CCDC148: variants seen among roughly 807,000 people sequenced by gnomAD.
The protein encoded by CCDC148 is coiled-coil domain containing 148.
A neutral mutation model predicts 85.7 loss-of-function variants in CCDC148; 89 were observed. The observed-to-expected ratio is 1.04, with a 90% CI of 0.87 to 1.24. The LOEUF (loss-of-function observed/expected upper bound fraction) is 1.24. Among genes scored for constraint, CCDC148 ranks in the 50% most tolerant of loss-of-function variants. The pLI is 0.00. For missense variants in CCDC148, 692 were observed against 671.7 expected, an observed-to-expected ratio of 1.03 and a Z score of -0.33; for synonymous variants, 230 against 213.9, an observed-to-expected ratio of 1.08 and a Z score of -0.66.
intron 8 of CCDC148, among the ~76,000 whole-genome samples, chr2:158,312,599 C>CAAAAAAAAAA (rs1182789527): frequency 3.0e-5 from 4 of 135,504 alleles, no homozygotes; most frequent in South Asian, 2.3e-4. Flanking sequence ...AAAAAAAAAC[C>CAAAAAAAAAA]AAAAAACAAA....
intron 9 of CCDC148, among the ~76,000 whole-genome samples, chr2:158,284,290 A>C (rs1466021644): frequency 6.9e-6 from 1 of 145,762 alleles, no homozygotes; most frequent in Non-Finnish European, 1.5e-5. Flanking sequence ...AAAAAAAAAG[A>C]AAACCAATAA....
chr2:158,320,560 A>G (rs1297686114), intron 7 of CCDC148, among the ~76,000 whole-genome samples: 3 of 152,194 alleles, frequency 2.0e-5, no homozygotes, highest in African/African-American at 7.2e-5. Flanking sequence ...AAATTTGACA[A>G]TCTTGTCCAT....
chr2:158,442,331 G>A (rs1687969663), intron 1 of CCDC148, among the ~76,000 whole-genome samples: 1 of 152,074 alleles, frequency 6.6e-6, no homozygotes, highest in African/African-American at 2.4e-5. Flanking sequence ...TTTTTCAACT[G>A]GAATAATATT....
At chr2:158,341,206 G>GT (rs1559083241) in intron 3 of CCDC148, among the ~76,000 whole-genome samples, 1 of 151,756 alleles carries the variant, frequency 6.6e-6, no homozygotes, top group Non-Finnish European at 1.5e-5. Context: ...GTATACATAC[G>GT]TATGTGTACG....
At chr2:158,257,107 T>C (rs767956411) in intron 9 of CCDC148, among the ~76,000 whole-genome samples, 4 of 151,644 alleles carry the variant, frequency 2.6e-5, no homozygotes, top group Admixed American at 6.6e-5. Flanking sequence ...ACCAGAGACA[T>C]GCTACCATTT....
chr2:158,373,445 T>C (rs1181630316), intron 1 of CCDC148, among the ~76,000 whole-genome samples: 1 of 152,038 alleles, frequency 6.6e-6, no homozygotes, highest in Admixed American at 6.6e-5. Flanking sequence ...TCATTTGAAA[T>C]AGTACACACA....
rs140040664 is a variant in CCDC148, at chr2:158,223,721, G to A, written c.1252-3008C>T. On this transcript the variant is annotated intron_variant, in intron 10 of 13. Transcript: ENST00000283233. ...ACCCAGGCAAACAGGGTCTGGAGTG[G>A]ACCTCCAGCAAACTCCAACAGACCT... Among the ~76,000 whole-genome samples the A allele has an allele frequency of 3.0e-4, 46 of 152,298 alleles. No individual in the cohort carries two copies. The East Asian group carries it at 8.3e-3, about 27-fold the overall frequency.
At chr2:158,445,107 G>A (rs1688107483) in intron 1 of CCDC148, among the ~76,000 whole-genome samples, 1 of 151,934 alleles carries the variant, frequency 6.6e-6, no homozygotes, top group African/African-American at 2.4e-5. Flanking sequence ...GTGAGAAATG[G>A]AGAAGTACAT....
intron 8 of CCDC148, among the ~76,000 whole-genome samples, chr2:158,312,618 T>C (rs1179114504): frequency 2.3e-5 from 3 of 132,370 alleles, no homozygotes; most frequent in African/African-American, 5.6e-5. Context: ...AAAAAGTAAA[T>C]GTAAAAATCT....
intron 9 of CCDC148, among the ~76,000 whole-genome samples, chr2:158,271,660 A>G (rs923205359): frequency 1.3e-5 from 2 of 152,202 alleles, no homozygotes; most frequent in Admixed American, 6.6e-5. Flanking sequence ...ATTCTTGTTC[A>G]GCTCTTACTG....
At chr2:158,286,394 T>G (rs1271087406) in intron 9 of CCDC148, among the ~76,000 whole-genome samples, 1 of 152,188 alleles carries the variant, frequency 6.6e-6, no homozygotes, top group African/African-American at 2.4e-5. Context: ...TAAGTGAAAA[T>G]GTATACAATG....
chr2:158,443,291 T>C (rs1227670553), intron 1 of CCDC148, among the ~76,000 whole-genome samples: 2 of 151,888 alleles, frequency 1.3e-5, no homozygotes, highest in East Asian at 3.9e-4. Context: ...GGCCAGAAGT[T>C]TGATACCAAC....
intron 9 of CCDC148, among the ~76,000 whole-genome samples, chr2:158,294,136 T>C (rs1158603543): frequency 6.6e-6 from 1 of 150,578 alleles, no homozygotes; most frequent in Non-Finnish European, 1.5e-5. Context: ...TATGTTCCTA[T>C]AGTTTTGTCT....
chr2:158,393,588 G>T (rs962937460), intron 1 of CCDC148, among the ~76,000 whole-genome samples: 1 of 152,022 alleles, frequency 6.6e-6, no homozygotes, highest in Non-Finnish European at 1.5e-5. Flanking sequence ...GGGGCCAAGT[G>T]GGCAGACTCA....
chr2:158,404,650 C>G (rs2543642), intron 1 of CCDC148, among the ~76,000 whole-genome samples: 4,796 of 152,124 alleles, frequency 0.032, 108 homozygotes, highest in African/African-American at 0.059. Flanking sequence ...CTATGTGGTG[C>G]CTTTAGCAGA....
chr2:158,386,132 GGAGTTGATGCAGAAGGTAATTACCAAGA>G (rs1456757613), intron 1 of CCDC148, among the ~76,000 whole-genome samples: 2 of 152,024 alleles, frequency 1.3e-5, no homozygotes, highest in Non-Finnish European at 2.9e-5. Flanking sequence ...GGCAGTGCGG[GGAGTTGATGCAGAAGGTAATTACCAAGA>G]GAGCACCTGT....
chr2:158,361,573 T>A (rs953260417), intron 1 of CCDC148, among the ~76,000 whole-genome samples: 2 of 152,144 alleles, frequency 1.3e-5, no homozygotes, highest in African/African-American at 4.8e-5. Flanking sequence ...CCAGCCAAAC[T>A]AAGCTTCATA....
chr2:158,315,180 T>G (rs1692222771), intron 7 of CCDC148, among the ~76,000 whole-genome samples: 1 of 152,196 alleles, frequency 6.6e-6, no homozygotes, highest in Non-Finnish European at 1.5e-5. Flanking sequence ...CAGTCCTGTC[T>G]GAAGCAGTTA....
intron 1 of CCDC148, among the ~76,000 whole-genome samples, chr2:158,432,460 TA>T (rs1417831193): frequency 6.6e-6 from 1 of 152,148 alleles, no homozygotes; most frequent in African/African-American, 2.4e-5. Context: ...AAATATACTA[TA>T]AACAACTTTA....
Sources: allele counts gnomAD v4.1 joint callset (sites outside exome capture counted in the v4.1 genomes callset), GRCh38; gene constraint gnomAD v4.1.1; transcripts MANE v1.5; gene names NCBI Gene and HGNC (gene_info 2026-07-23, HGNC 2026-07-21).